Variants in CEP57 observed in about 807,000 individuals in gnomAD.
The protein encoded by CEP57 is centrosomal protein of 57 kDa.
In CEP57, 40 loss-of-function variants were observed where a neutral mutation model predicts 68.0. The observed-to-expected ratio is 0.59, with a 90% confidence interval of 0.46 to 0.77. The LOEUF is 0.77. CEP57 is among the 30% of genes least tolerant of loss of function. The pLI is 0.00. For synonymous variants in CEP57, 219 were observed against 198.7 expected (o/e 1.10, Z -0.86); for missense variants, 606 against 580.7 (o/e 1.04, Z -0.45).
intron 1 of CEP57, chr11:95,794,103 C>A: frequency 3.0e-6 from 1 of 338,424 alleles, no homozygotes; most frequent in Non-Finnish European, 5.9e-6. Context: ...AAGAGATCTG[C>A]AGAAATGTAA....
intron 10 of CEP57, among the ~76,000 whole-genome samples, chr11:95,829,835 A>G (rs4753702): frequency 0.081 from 12,268 of 152,170 alleles, 861 homozygotes; most frequent in African/African-American, 0.18. Context: ...GGGGTAGGGT[A>G]ATGGGATCAA....
At chr11:95,797,455 A>G (rs547291359) in intron 1 of CEP57, among the ~76,000 whole-genome samples, 21 of 152,198 alleles carry the variant, frequency 1.4e-4, no homozygotes, top group African/African-American at 4.8e-4. Context: ...GGCATGAGCC[A>G]CCATGCCTGG....
At chr11:95,818,734 G>A (rs1862405078) in intron 5 of CEP57, 93 bp from the exon 6 acceptor site, 3 of 959,284 alleles carry the variant, frequency 3.1e-6, no homozygotes, top group Non-Finnish European at 5.1e-6. Context: ...TATTGAGTAG[G>A]ATAAAATTTA....
At chr11:95,822,117 G>A (rs1862541812) in intron 7 of CEP57, 139 bp downstream of exon 7, 1 of 701,694 alleles carries the variant, frequency 1.4e-6, no homozygotes, top group Non-Finnish European at 2.5e-6. Context: ...AGAAGGTGGA[G>A]ATAAGTAATA....
At position 95,818,879 on chromosome 11, in the gene CEP57, A is replaced by C; in HGVS notation, c.674A>C (p.Lys225Thr). 1 of 1,614,056 alleles carries C rather than the reference A, an allele frequency of 6.2e-7. No individual in the cohort carries two copies. Among genetic ancestry groups the C allele is most frequent in the Non-Finnish European group, 8.5e-7 (1 of 1,179,940 alleles). Residue 225 changes from lysine (K) to threonine (T), a missense_variant, in exon 6 of 11, where the codon AAA becomes ACA. By Grantham distance (78) the Lys-to-Thr change is moderately conservative. Transcript: ENST00000325542. ...AKLHEEEQER[K>T]RMQAKAAELQ... ...CTCCATGAAGAAGAACAGGAAAGGA[A>C]ACGCATGCAAGCTAAGGCAGCTGAG... is the stretch of plus-strand genomic sequence containing the variant.
intron 1 of CEP57, among the ~76,000 whole-genome samples, chr11:95,791,909 T>A (rs1256474489): frequency 1.3e-5 from 2 of 151,948 alleles, no homozygotes; most frequent in Non-Finnish European, 2.9e-5. Context: ...GAAACGTAGG[T>A]AAAAACGTGA....
intron 8 of CEP57, chr11:95,823,018 G>A (rs12421552): frequency 0.11 from 23,735 of 210,662 alleles, 2,984 homozygotes; most frequent in African/African-American, 0.34. Flanking sequence ...GCAGTCATAC[G>A]TACACTTGAA....
upstream of CEP57, chr11:95,790,071 C>CT (rs374144836): frequency 4.0e-4 from 62 of 156,456 alleles, 1 homozygote; most frequent in Non-Finnish European, 6.4e-4. Flanking sequence ...TCTGCCGCAA[C>CT]TTTTTTTCCC....
chr11:95,806,916 C>T (rs550244539), intron 2 of CEP57, among the ~76,000 whole-genome samples: 1 of 152,204 alleles, frequency 6.6e-6, no homozygotes, highest in Non-Finnish European at 1.5e-5. Flanking sequence ...GGACAGACTG[C>T]CTCTTCAAGT....
At chr11:95,805,320 T>C (rs1191159505) in intron 2 of CEP57, among the ~76,000 whole-genome samples, 2 of 152,214 alleles carry the variant, frequency 1.3e-5, no homozygotes, top group African/African-American at 2.4e-5. Context: ...ATTAATCTTA[T>C]ATTTAGGCTT....
intron 10 of CEP57, among the ~76,000 whole-genome samples, chr11:95,830,711 T>G (rs1329644863): frequency 1.3e-5 from 2 of 152,116 alleles, no homozygotes; most frequent in Non-Finnish European, 2.9e-5. Context: ...CAACTCCCCT[T>G]GTTTCTCACT....
chr11:95,818,990 A>G, intron 6 of CEP57, 86 bp downstream of exon 6: 1 of 1,027,138 alleles, frequency 9.7e-7, no homozygotes, highest in Non-Finnish European at 1.5e-6. Context: ...GGTATCTTAC[A>G]TTATTTGTAT....
chr11:95,808,881 C>CA (rs1445896265), intron 2 of CEP57, among the ~76,000 whole-genome samples: 1 of 152,158 alleles, frequency 6.6e-6, no homozygotes, highest in Non-Finnish European at 1.5e-5. Context: ...AACTCTCCAC[C>CA]CCAAATCAAT....
intron 1 of CEP57, among the ~76,000 whole-genome samples, chr11:95,792,344 A>G (rs1591039797): frequency 6.6e-6 from 1 of 152,232 alleles, no homozygotes; most frequent in African/African-American, 2.4e-5. Context: ...CAAATGTTGA[A>G]TTGAGTCTGG....
chr11:95,795,842 CAT>C (rs5793748), intron 1 of CEP57, among the ~76,000 whole-genome samples: 5,811 of 152,246 alleles, frequency 0.038, 156 homozygotes, highest in Middle Eastern at 0.088. Flanking sequence ...ATTTCCTCAA[CAT>C]GTGTACACAA....
chr11:95,790,633 C>T lies in CEP57; in HGVS notation c.-66C>T, dbSNP rs1420450826. ...CCCCGCTGGTGGGCGGCTCCCGAGTCTTGGAGAAGAGCACGAGAACCTAGA... is the reference window on the plus strand; with the variant it reads ...CCCCGCTGGTGGGCGGCTCCCGAGTTTTGGAGAAGAGCACGAGAACCTAGA... On this transcript the variant is annotated 5_prime_UTR_variant, in exon 1 of 11. Coordinates refer to ENST00000325542, the MANE Select transcript of CEP57 (RefSeq NM_014679.5). The T allele has an allele frequency of 5.0e-5, 79 of 1,584,230 alleles. No homozygotes were observed. Among genetic ancestry groups the T allele is most frequent in the Non-Finnish European group, 6.7e-5 (78 of 1,161,706 alleles).
intron 2 of CEP57, among the ~76,000 whole-genome samples, chr11:95,808,927 A>G (rs1288931769): frequency 1.3e-5 from 2 of 152,224 alleles, no homozygotes; most frequent in Non-Finnish European, 2.9e-5. Flanking sequence ...CATCACACTT[A>G]TTCCAAAACT....
intron 1 of CEP57, among the ~76,000 whole-genome samples, chr11:95,793,035 TAAACTC>T (rs1265694064): frequency 6.6e-6 from 1 of 152,210 alleles, no homozygotes; most frequent in African/African-American, 2.4e-5. Context: ...TCGACATTGA[TAAACTC>T]ATACGGAGCT....
At chr11:95,813,177 A>C in intron 3 of CEP57, 66 bp downstream of exon 3, 1 of 1,478,082 alleles carries the variant, frequency 6.8e-7, no homozygotes, top group Non-Finnish European at 9.3e-7. Flanking sequence ...GTATTCTAAA[A>C]GAAATAGTAC....
Sources: allele counts gnomAD v4.1 joint callset (sites outside exome capture counted in the v4.1 genomes callset), GRCh38; gene constraint gnomAD v4.1.1; transcripts MANE v1.5; gene names NCBI Gene and HGNC (gene_info 2026-07-23, HGNC 2026-07-21).